TNS1: variants seen among roughly 807,000 people sequenced by gnomAD.
The protein encoded by TNS1 is tensin-1.
Under a neutral mutation model 168.6 loss-of-function variants are expected in TNS1, and 62 were observed. The ratio of observed to expected loss-of-function variants is 0.37; its 90% CI spans 0.30 to 0.45. The LOEUF is 0.45. TNS1 is among the 20% of genes least tolerant of loss of function. The pLI, the probability that TNS1 is intolerant of heterozygous loss-of-function variation, is 1.00. For missense variants in TNS1, 2,240 were observed against 2,339.4 expected (o/e 0.96, Z 0.88); for synonymous variants, 934 against 933.2 (o/e 1.00, Z -0.02).
chr2:217,933,919 G>A (rs565701999), intron 3 of TNS1, among the ~76,000 whole-genome samples: 1 of 152,190 alleles, frequency 6.6e-6, no homozygotes, highest in African/African-American at 2.4e-5. Flanking sequence ...GGAATTTTAG[G>A]GACAGAGGTG....
At chr2:217,819,591 A>T (rs1942494520) in intron 23 of TNS1, among the ~76,000 whole-genome samples, 1 of 152,192 alleles carries the variant, frequency 6.6e-6, no homozygotes, top group South Asian at 2.1e-4. Context: ...GTTCCCTTGT[A>T]AAGTTAAGTC....
At chr2:217,920,278 C>T (rs2125857217) in intron 3 of TNS1, 42 bp from the exon 4 acceptor site, 1 of 702,954 alleles carries the variant, frequency 1.4e-6, no homozygotes, top group East Asian at 2.7e-5. Flanking sequence ...CATATCTTGT[C>T]TCTAGAGACA....
At chr2:217,862,668 C>T (rs1306082883) in intron 18 of TNS1, among the ~76,000 whole-genome samples, 1 of 146,488 alleles carries the variant, frequency 6.8e-6, no homozygotes, top group Non-Finnish European at 1.5e-5. Flanking sequence ...TCCAAGTCAG[C>T]GAAGGGAAGA....
At chr2:217,830,426 C>A in intron 22 of TNS1, 1 of 1,611,172 alleles carries the variant, frequency 6.2e-7, no homozygotes, top group Non-Finnish European at 8.5e-7. Context: ...CAATAGCCCC[C>A]ACCCAGCCCT....
At chr2:217,913,511 C>G (rs576379090) in intron 4 of TNS1, among the ~76,000 whole-genome samples, 134 of 152,238 alleles carry the variant, frequency 8.8e-4, no homozygotes, top group African/African-American at 3.1e-3. Context: ...CCTCCACACC[C>G]CTCCAGCCAC....
chr2:217,950,774 C>T (rs1196276418), intron 3 of TNS1, among the ~76,000 whole-genome samples: 1 of 151,624 alleles, frequency 6.6e-6, no homozygotes, highest in Non-Finnish European at 1.5e-5. Context: ...TCTGCTGTCA[C>T]CCGCACGGCC....
chr2:218,010,645 G>T (rs1958697980), upstream of TNS1, among the ~76,000 whole-genome samples: 1 of 150,234 alleles, frequency 6.7e-6, no homozygotes, highest in African/African-American at 2.4e-5. Flanking sequence ...GGCGCCGGGC[G>T]TCCGGCGTCC....
chr2:217,842,063 T>C (rs1421037675), intron 19 of TNS1: 3 of 702,872 alleles, frequency 4.3e-6, no homozygotes, highest in Non-Finnish European at 7.8e-6. Flanking sequence ...TTTCCTCTCC[T>C]TCACAAGCTG....
At chr2:217,913,388 C>T (rs947730412) in intron 4 of TNS1, among the ~76,000 whole-genome samples, 1 of 152,192 alleles carries the variant, frequency 6.6e-6, no homozygotes, top group African/African-American at 2.4e-5. Flanking sequence ...TGGACACCCC[C>T]AATGCAGCCG....
chr2:218,015,174 C>G (rs1159037836), upstream of TNS1, among the ~76,000 whole-genome samples: 2 of 152,136 alleles, frequency 1.3e-5, no homozygotes, highest in Admixed American at 1.3e-4. Context: ...ACCCCTGCCC[C>G]TGCCCCTGCC....
At chr2:217,885,598 T>C in intron 15 of TNS1, 146 bp downstream of exon 15, 1 of 746,202 alleles carries the variant, frequency 1.3e-6, no homozygotes. Context: ...GACTGGAAGG[T>C]CTTCCAAGAG....
At chr2:217,893,155 C>T (rs1951906746) in intron 10 of TNS1, 143 bp from the exon 11 acceptor site, 1 of 1,114,052 alleles carries the variant, frequency 9.0e-7, no homozygotes, top group African/African-American at 1.6e-5. Context: ...GGAAGGGGGC[C>T]TCAGGGGAGG....
At chr2:217,903,318 T>C (rs1056544914) in intron 6 of TNS1, among the ~76,000 whole-genome samples, 3 of 152,192 alleles carry the variant, frequency 2.0e-5, no homozygotes, top group Non-Finnish European at 4.4e-5. Context: ...AGGTTCCGTC[T>C]CATTTGTCCA....
chr2:217,959,394 G>A (rs1217353889), intron 3 of TNS1, among the ~76,000 whole-genome samples: 1 of 151,230 alleles, frequency 6.6e-6, no homozygotes, highest in African/African-American at 2.4e-5. Context: ...GGAACCTGGT[G>A]TCTTAGCATG....
intron 2 of TNS1, among the ~76,000 whole-genome samples, chr2:217,981,274 G>A (rs1471797451): frequency 9.9e-5 from 15 of 152,204 alleles, no homozygotes; most frequent in Non-Finnish European, 1.5e-5. Flanking sequence ...CTTTCTCCAG[G>A]CAGATCAGCC....
At chr2:217,862,856 G>GA (rs1294276696) in intron 18 of TNS1, among the ~76,000 whole-genome samples, 1 of 152,214 alleles carries the variant, frequency 6.6e-6, no homozygotes, top group Non-Finnish European at 1.5e-5. Flanking sequence ...GCTGTGCGAG[G>GA]AAAGTAGGAT....
intron 3 of TNS1, among the ~76,000 whole-genome samples, chr2:217,942,098 A>G (rs1254775144): frequency 6.6e-6 from 1 of 152,200 alleles, no homozygotes; most frequent in East Asian, 1.9e-4. Flanking sequence ...TCCCTGGGAA[A>G]TTCTTCACTG....
intron 3 of TNS1, among the ~76,000 whole-genome samples, chr2:217,970,715 C>G (rs2373239): frequency 0.2 from 30,747 of 151,746 alleles, 4,502 homozygotes; most frequent in African/African-American, 0.42. Flanking sequence ...GGGGTGAGGT[C>G]GGGGAGAGAT....
chr2:217,886,137 G>C, intron 13 of TNS1, 33 bp from the exon 14 acceptor site: 1 of 1,611,168 alleles, frequency 6.2e-7, no homozygotes, highest in Middle Eastern at 1.7e-4. Context: ...AGCTAAGACA[G>C]CAGAAACTGG....
Sources: gnomAD v4.1 joint callset for allele counts (sites outside exome capture counted in the v4.1 genomes callset) on GRCh38, gnomAD v4.1.1 for gene constraint, MANE v1.5 for transcripts, NCBI Gene and HGNC (gene_info 2026-07-23, HGNC 2026-07-21) for gene names.